The following CASZ1 variants were observed in gnomAD, a reference collection of about 807,000 sequenced individuals.
CASZ1 encodes the protein castor zinc finger 1, also known as zinc finger protein castor homolog 1.
CASZ1 carries 28 observed loss-of-function variants against 135.2 expected under a neutral mutation model. That is an observed-to-expected ratio of 0.21 (90% CI 0.15 to 0.28). The LOEUF is 0.28. Among genes scored for constraint, CASZ1 ranks in the 10% least tolerant of loss-of-function variants. The pLI is 1.00. For synonymous variants in CASZ1, 1,068 were observed against 1,073.4 expected (o/e 0.99, Z 0.10); for missense variants, 2,161 against 2,453.3 (o/e 0.88, Z 2.52).
At position 10,665,104 on chromosome 1, in the gene CASZ1, G is replaced by A. The variant is rs1416773766; in HGVS notation, c.484C>T (p.Pro162Ser). The stretch of plus-strand genomic sequence containing the variant: ...CCACCTGAAGCCTGCCTGGTGCTGG[G>A]GCCGCTGTCCTCCTTGGAGGCTGCC... ...DGAASKEDSG[P>S]STRQASGEAS... is the part of the protein sequence containing the mutation. The change falls in exon 5 of 21, where the codon CCC becomes TCC. Residue 162 changes from proline to serine, a missense_variant. By Grantham distance (74) the Pro-to-Ser change is moderately conservative (BLOSUM62 -1). Coordinates refer to ENST00000377022, the MANE Select transcript of CASZ1 (RefSeq NM_001079843.3). 1 of 1,507,924 alleles carries A rather than the reference G, an allele frequency of 6.6e-7. No homozygotes were observed. The highest frequency in any genetic ancestry group is 1.4e-5 in the African/African-American group (1 of 71,578). The allele number at this position is 1,507,924 out of a possible 1,614,324, so 93.4% of individuals were successfully genotyped here. A position where few individuals can be genotyped will look rare whatever the true frequency, so the allele number is the denominator to read the frequency against.
chr1:10,728,022 C>T (rs914342316), intron 2 of CASZ1, among the ~76,000 whole-genome samples: 1 of 152,206 alleles, frequency 6.6e-6, no homozygotes, highest in African/African-American at 2.4e-5. Flanking sequence ...CCTACCACCG[C>T]CTATGCTCCG....
At position 10,665,291 on chromosome 1, in the gene CASZ1, C is replaced by G; in HGVS notation, c.297G>C (p.Glu99Asp). The G allele has an allele frequency of 6.2e-7, 1 of 1,612,746 alleles. No homozygotes were observed. The highest frequency in any genetic ancestry group is 8.5e-7 in the Non-Finnish European group (1 of 1,179,244). ...GCCCCAACACGGGTGTGGGTGCCGG[C>G]TCCTCGCTGTACTCCCCGTTCACCC... is the stretch of plus-strand genomic sequence containing the variant. ...EKWVNGEYSE[E>D]PAPTPVLGRI... The change falls in exon 5 of 21, where the codon GAG becomes GAC. Residue 99 changes from glutamate to aspartate, a missense_variant. Physicochemically the swap from Glu to Asp is conservative, Grantham distance 45 (BLOSUM62 2). Transcript: ENST00000377022.
intron 2 of CASZ1, among the ~76,000 whole-genome samples, chr1:10,754,028 T>C (rs1640199946): frequency 1.3e-5 from 2 of 152,268 alleles, no homozygotes; most frequent in African/African-American, 4.8e-5. Context: ...CTGGTCTCCT[T>C]GCTTCTCCAA....
chr1:10,785,123 T>C (rs367625282), intron 1 of CASZ1, among the ~76,000 whole-genome samples: 1 of 25,354 alleles, frequency 3.9e-5, no homozygotes, highest in East Asian at 1.1e-3. Context: ...CTTCCTTCTT[T>C]CCTTTCTTCC....
In CASZ1 at chr1:10,660,088, T is replaced by G. The variant is rs1340409350; in HGVS notation, c.954A>C (p.Lys318Asn). 6.2e-7 allele frequency: 1 copy of G among 1,614,080 alleles called. No homozygotes were observed. The highest frequency in any genetic ancestry group is 1.1e-5 in the South Asian group (1 of 91,084). The part of the protein sequence containing the change: ...RASKYDFFIQ[K>N]LKTGENLRPQ... The stretch of plus-strand genomic sequence containing the variant: ...GCCGCAGATTCTCGCCGGTCTTCAG[T>G]TTTTGGATGAAGAAGTCGTACTTGG... Residue 318 changes from lysine to asparagine, a missense_variant, in exon 6 of 21, where the codon AAA becomes AAC. Transcript: ENST00000377022.
Position 10,726,937 on chromosome 1 carries a change from C to T in CASZ1, c.-76-21393G>A, listed in dbSNP as rs1002357253. On this transcript the variant is annotated intron_variant, in intron 2 of 20. Coordinates refer to ENST00000377022, the MANE Select transcript of CASZ1 (RefSeq NM_001079843.3). The surrounding 1 kb of genome is among the most constrained non-coding windows in gnomAD (Gnocchi z 5.7). The stretch of plus-strand genomic sequence containing the variant: ...CACTGAGGTGTCAGGTAAATAGCAC[C>T]ATGTGGGGCTTCCTGGCCAGTTTCT... Among the ~76,000 whole-genome samples the T allele has an allele frequency of 2.6e-5, 4 of 152,144 alleles. No homozygotes were observed. The highest frequency in any genetic ancestry group is 4.4e-5 in the Non-Finnish European group (3 of 68,008).
Position 10,646,410 on chromosome 1 carries a change from C to T in CASZ1, c.3498-84G>A. 7.6e-7 allele frequency: 1 copy of T among 1,317,566 alleles called. No individual in the cohort carries two copies. The allele number at this position is 1,317,566 out of a possible 1,614,324, so 81.6% of individuals were successfully genotyped here. A position where few individuals can be genotyped will look rare whatever the true frequency, so the allele number is the denominator to read the frequency against. ...TCCTGACTTCACTTGTGTTGGAGTT[C>T]ACTCCCCCACGACCAGCGGTACCAC... is the stretch of plus-strand genomic sequence containing the variant. On this transcript the variant is annotated intron_variant, in intron 16 of 20. Coordinates refer to ENST00000377022, the MANE Select transcript of CASZ1 (RefSeq NM_001079843.3). The surrounding 1 kb of genome is among the most constrained non-coding windows in gnomAD (Gnocchi z 6.4).
intron 1 of CASZ1, among the ~76,000 whole-genome samples, chr1:10,783,110 A>G (rs374503488): frequency 3.9e-4 from 60 of 152,234 alleles, no homozygotes; most frequent in African/African-American, 1.4e-3. Flanking sequence ...GAATCAACAC[A>G]CACGGCCCTC....
chr1:10,743,381 A>G (rs1639965872), intron 2 of CASZ1, among the ~76,000 whole-genome samples: 2 of 151,438 alleles, frequency 1.3e-5, no homozygotes, highest in African/African-American at 2.4e-5. Flanking sequence ...CCCCACTCAG[A>G]CCCATCGGTT....
Position 10,724,143 on chromosome 1 carries a change from G to A in CASZ1, c.-76-18599C>T, listed in dbSNP as rs190369627. Among the ~76,000 whole-genome samples, 3 of 152,284 alleles carry A rather than the reference G, an allele frequency of 2.0e-5. No homozygotes were observed. The East Asian group carries it at 5.8e-4, about 29-fold the overall frequency. ...CCCATCTTTGCCAAAAGAGGTGTCA[G>A]GCTAACGTTACACCAGCTTTAAAAA... On this transcript the variant is annotated intron_variant, in intron 2 of 20. Transcript: ENST00000377022. The surrounding 1 kb of genome is among the most constrained non-coding windows in gnomAD (Gnocchi z 4.1).
At position 10,639,734 on chromosome 1, in the gene CASZ1, C is replaced by T. The variant is rs751276440; in HGVS notation, c.4488G>A (p.Lys1496=). 6.3e-7 allele frequency: 1 copy of T among 1,591,842 alleles called. No homozygotes were observed. The highest frequency in any genetic ancestry group is 8.5e-7 in the Non-Finnish European group (1 of 1,170,064). The change falls in exon 21 of 21, where the codon AAG becomes AAA. Residue 1496 remains lysine, a synonymous_variant. Coordinates refer to ENST00000377022, the MANE Select transcript of CASZ1 (RefSeq NM_001079843.3). This position sits in a 1 kb window ranked among gnomAD's most constrained non-coding sequence, Gnocchi z 4.0. ...CGGCGAAGTGGCAGCTGAGTGAGGC[C>T]TTGAAGCGCTTGAAGTCGTCCAGCA... is the stretch of plus-strand genomic sequence containing the variant. ...NLVLDDFKRF[K]ASLSCHFADC...
chr1:10,658,659 C>T, intron 6 of CASZ1, 83 bp from the exon 7 acceptor site: 2 of 1,222,354 alleles, frequency 1.6e-6, no homozygotes, highest in Non-Finnish European at 2.4e-6. Context: ...CAGCCCCTGC[C>T]CTGAGGCCCC....
At position 10,741,181 on chromosome 1, in the gene CASZ1, C is replaced by T. The variant is rs1639914894; in HGVS notation, c.-77+19520G>A. Among the ~76,000 whole-genome samples the T allele has an allele frequency of 6.6e-6, 1 of 152,164 alleles. No individual in the cohort carries two copies. Among genetic ancestry groups the T allele is most frequent in the South Asian group, 2.1e-4 (1 of 4,830 alleles). On this transcript the variant is annotated intron_variant, in intron 2 of 20. Coordinates refer to ENST00000377022, the MANE Select transcript of CASZ1 (RefSeq NM_001079843.3). The surrounding 1 kb of genome is among the most constrained non-coding windows in gnomAD (Gnocchi z 5.0). ...TATTTTTAGCAGAGACGGGGTTTCA[C>T]CATGTTGGTCAGGCTGGTCTCCAAC... is the stretch of plus-strand genomic sequence containing the variant.
At position 10,700,152 on chromosome 1, in the gene CASZ1, C is replaced by T. The variant is rs886222542; in HGVS notation, c.-24+5340G>A. On this transcript the variant is annotated intron_variant, in intron 3 of 20. Coordinates refer to ENST00000377022, the MANE Select transcript of CASZ1 (RefSeq NM_001079843.3). The surrounding 1 kb of genome is among the most constrained non-coding windows in gnomAD (Gnocchi z 4.2). ...GCAGGGACCTGGGCTAGTTGGGTTG[C>T]CCTGTGGGCCTGGCCCAGCCTGTGG... 7.4e-5 allele frequency among the ~76,000 whole-genome samples: 11 copies of T among 149,550 alleles called. No homozygotes were observed. The highest frequency in any genetic ancestry group is 1.5e-4 in the Non-Finnish European group (10 of 67,434).
rs764215459 is a variant in CASZ1, at chr1:10,721,570, G to A, written c.-76-16026C>T. Reference sequence around the variant, plus strand: ...AGGACTGGTTCCATGCGGGCATCAAGGAGAAACAGGGCAACTGGCTACCTG... The same window carrying A: ...AGGACTGGTTCCATGCGGGCATCAAAGAGAAACAGGGCAACTGGCTACCTG... On this transcript the variant is annotated intron_variant, in intron 2 of 20. Transcript: ENST00000377022. The surrounding 1 kb of genome is among the most constrained non-coding windows in gnomAD (Gnocchi z 5.4). 3.3e-5 allele frequency among the ~76,000 whole-genome samples: 5 copies of A among 152,180 alleles called. No individual in the cohort carries two copies. Among genetic ancestry groups the A allele is most frequent in the Non-Finnish European group, 7.3e-5 (5 of 68,028 alleles).
chr1:10,643,843 C>T (rs1035618850), intron 18 of CASZ1, among the ~76,000 whole-genome samples: 1 of 152,202 alleles, frequency 6.6e-6, no homozygotes, highest in African/African-American at 2.4e-5. Context: ...TCTGTCATCC[C>T]CCAGCTTTGT....
Position 10,762,094 on chromosome 1 carries a change from C to T in CASZ1, c.-233-1237G>A, listed in dbSNP as rs1052302011. 2.6e-5 allele frequency among the ~76,000 whole-genome samples: 4 copies of T among 152,282 alleles called. No homozygotes were observed. Among genetic ancestry groups the T allele is most frequent in the African/African-American group, 9.6e-5 (4 of 41,574 alleles). ...TCCCCGGAGGCCTTGCAGGAGTGCA[C>T]GAACCCCTCCCCTCCTGCCTCCCAA... On this transcript the variant is annotated intron_variant, in intron 1 of 20. Transcript: ENST00000377022. This position sits in a 1 kb window ranked among gnomAD's most constrained non-coding sequence, Gnocchi z 4.1.
At chr1:10,754,299 T>C (rs1245113862) in intron 2 of CASZ1, among the ~76,000 whole-genome samples, 2 of 152,228 alleles carry the variant, frequency 1.3e-5, no homozygotes, top group African/African-American at 4.8e-5. Flanking sequence ...TCCTGTATCA[T>C]TTGGCTCCCT....
chr1:10,724,372 C>T lies in CASZ1; in HGVS notation c.-76-18828G>A, dbSNP rs150960730. ...GGCGAAGTGCCGAAGGTGCTTGGCA[C>T]CGAGTGTTTGCTTATTTACAAGGCT... is the stretch of plus-strand genomic sequence containing the variant. On this transcript the variant is annotated intron_variant, in intron 2 of 20. Transcript: ENST00000377022. This position sits in a 1 kb window ranked among gnomAD's most constrained non-coding sequence, Gnocchi z 4.1. 2.5e-3 allele frequency among the ~76,000 whole-genome samples: 380 copies of T among 152,276 alleles called. 2 individuals carry two copies. Among genetic ancestry groups the T allele is most frequent in the African/African-American group, 8.2e-3 (339 of 41,560 alleles).
Sources: gnomAD v4.1 joint callset for allele counts (sites outside exome capture counted in the v4.1 genomes callset) on GRCh38, gnomAD v4.1.1 for gene constraint, Gnocchi (gnomAD v3.1) non-coding constraint, MANE v1.5 for transcripts, NCBI Gene and HGNC (gene_info 2026-07-23, HGNC 2026-07-21) for gene names.